The following FBXW10 variants were observed in gnomAD, a reference collection of about 807,000 sequenced individuals.
FBXW10 encodes the protein F-box and WD repeat domain containing 10.
FBXW10 carries 68 observed loss-of-function variants against 113.1 expected under a neutral mutation model. That is an observed-to-expected ratio of 0.60 (90% CI 0.49 to 0.74). The LOEUF is 0.74. FBXW10 is among the 30% of genes least tolerant of loss of function. FBXW10 has a pLI of 0.00. For missense variants in FBXW10, 753 were observed against 1,284.5 expected (o/e 0.59, Z 6.32); for synonymous variants, 289 against 481.6 (o/e 0.60, Z 5.24).
rs2035262467 is a variant in FBXW10, at chr17:18,756,246, A to G, written c.1232+92A>G. Reference sequence around the variant, plus strand: ...TTCCCTGACCTTTGTGTACATGGAAAGGCAAGCTCTCCTCACCTCAAGCTC... The same window carrying G: ...TTCCCTGACCTTTGTGTACATGGAAGGGCAAGCTCTCCTCACCTCAAGCTC... On this transcript the variant is annotated intron_variant, in intron 6 of 13. Transcript: ENST00000395665. The G allele has an allele frequency of 3.3e-5, 39 of 1,181,466 alleles. No homozygotes were observed. In the South Asian group the frequency reaches 5.2e-4, roughly 16 times the overall value. The allele number at this position is 1,181,466 out of a possible 1,614,324, so 73.2% of individuals were successfully genotyped here.
intron 13 of FBXW10, among the ~76,000 whole-genome samples, chr17:18,777,225 CTAA>C (rs917469024): frequency 1.3e-5 from 2 of 151,874 alleles, no homozygotes; most frequent in Non-Finnish European, 2.9e-5. Flanking sequence ...CCACGCCCGG[CTAA>C]TTTTTTTGTA....
chr17:18,745,168 A>G (rs1567613385), intron 1 of FBXW10: 1 of 1,018,308 alleles, frequency 9.8e-7, no homozygotes, highest in Non-Finnish European at 1.2e-6. Flanking sequence ...AAACCAGACC[A>G]AGAAGTCAAA....
intron 7 of FBXW10, among the ~76,000 whole-genome samples, chr17:18,761,688 T>G (rs1004851776): frequency 1.1e-4 from 16 of 152,368 alleles, no homozygotes; most frequent in South Asian, 4.1e-4. Flanking sequence ...TAGATTAGTT[T>G]GGTAAACACA....
At chr17:18,757,994 A>G (rs1165594397) in intron 6 of FBXW10, among the ~76,000 whole-genome samples, 2 of 152,256 alleles carry the variant, frequency 1.3e-5, no homozygotes, top group Admixed American at 6.5e-5. Flanking sequence ...TCCGTGATCA[A>G]TTAAATCCGG....
chr17:18,772,419 G>A lies in FBXW10; in HGVS notation c.2014G>A (p.Val672Ile). The A allele has an allele frequency of 6.2e-7, 1 of 1,613,148 alleles. No homozygotes were observed. Among genetic ancestry groups the A allele is most frequent in the South Asian group, 1.1e-5 (1 of 90,938 alleles). Reference protein sequence around the residue: ...SFFIQGNRMVVNTESNVLMFQ... With the variant: ...SFFIQGNRMVINTESNVLMFQ... ...CTGTTGTTTCGGTTCCAGGATGGTGGTCAACACAGAGAGCAATGTTCTCAT... is the reference window on the plus strand; with the variant it reads ...CTGTTGTTTCGGTTCCAGGATGGTGATCAACACAGAGAGCAATGTTCTCAT... The change falls in exon 12 of 14, where the codon GTC becomes ATC. Residue 672 changes from valine (V) to isoleucine (I), a missense_variant. By Grantham distance (29) the Val-to-Ile change is conservative. Transcript: ENST00000395665.
chr17:18,751,003 G>A lies in FBXW10; in HGVS notation c.1072G>A (p.Asp358Asn), dbSNP rs2035157035. 1 of 1,613,968 alleles carries A rather than the reference G, an allele frequency of 6.2e-7. No homozygotes were observed. Among genetic ancestry groups the A allele is most frequent in the Non-Finnish European group, 8.5e-7 (1 of 1,180,022 alleles). The change falls in exon 5 of 14, where the codon GAC becomes AAC. Residue 358 changes from aspartate to asparagine, a missense_variant. By Grantham distance (23) the Asp-to-Asn change is conservative. Transcript: ENST00000395665. The stretch of plus-strand genomic sequence containing the variant: ...TATCCCAGTTCCTAAAATGGTAGAT[G>A]ACGGGAAGAGCATGCGTGTGAAACA... ...VSIPVPKMVD[D>N]GKSMRVKHPK...
chr17:18,744,526 C>A lies in FBXW10; in HGVS notation c.282C>A (p.Leu94=), dbSNP rs1185103647. The change falls in exon 1 of 14, where the codon CTC becomes CTA. Residue 94 remains leucine (L), a synonymous_variant. Transcript: ENST00000395665. ...DFIYNRSRIN[L]SKKEGKVVKS... ...TCTATAACAGGTCCCGGATCAACCT[C>A]AGCAAGAAAGAGGGGAAAGTTGTGA... 6.2e-7 allele frequency: 1 copy of A among 1,613,796 alleles called. No individual in the cohort carries two copies. The highest frequency in any genetic ancestry group is 8.5e-7 in the Non-Finnish European group (1 of 1,179,888).
At chr17:18,747,308 C>T (rs2035057283) in intron 1 of FBXW10, among the ~76,000 whole-genome samples, 1 of 152,182 alleles carries the variant, frequency 6.6e-6, no homozygotes, top group South Asian at 2.1e-4. Flanking sequence ...CGCTTGTAAT[C>T]CCAGCACATT....
At position 18,749,795 on chromosome 17, in the gene FBXW10, C is replaced by G. The variant is rs572287138; in HGVS notation, c.744C>G (p.Thr248=). 2.5e-6 allele frequency: 4 copies of G among 1,614,066 alleles called. No homozygotes were observed. The highest frequency in any genetic ancestry group is 1.7e-5 in the Admixed American group (1 of 59,992). ...TGTTTTCTGGAAAAGGAGACATAAC[C>G]AAGCCAGGGTACGATCCCTGCAATC... ...NRLFSGKGDI[T]KPGYDPCNLL... Residue 248 remains threonine (T), a synonymous_variant, in exon 3 of 14, where the codon ACC becomes ACG. Coordinates refer to ENST00000395665, the MANE Select transcript of FBXW10 (RefSeq NM_001267585.2).
At position 18,749,906 on chromosome 17, in the gene FBXW10, C is replaced by G. The variant is rs2035125789; in HGVS notation, c.855C>G (p.Leu285=). 6.2e-7 allele frequency: 1 copy of G among 1,613,826 alleles called. No homozygotes were observed. Among genetic ancestry groups the G allele is most frequent in the Admixed American group, 1.7e-5 (1 of 59,978 alleles). Residue 285 remains leucine (L), a synonymous_variant, in exon 3 of 14, where the codon CTC becomes CTG. Coordinates refer to ENST00000395665, the MANE Select transcript of FBXW10 (RefSeq NM_001267585.2). ...TCATCCGTTACCTGCCCATCCACCT[C>G]TCCAAGTACATTCTAAGTATGCTGG... ...RDFIRYLPIH[L]SKYILRMLDR...
chr17:18,771,890 T>G (rs2035620337), intron 11 of FBXW10, among the ~76,000 whole-genome samples: 1 of 152,062 alleles, frequency 6.6e-6, no homozygotes, highest in African/African-American at 2.4e-5. Flanking sequence ...GGGTGGATCA[T>G]TGAGTCCTGG....
At chr17:18,749,008 T>C (rs2035100586) in intron 2 of FBXW10, among the ~76,000 whole-genome samples, 1 of 152,208 alleles carries the variant, frequency 6.6e-6, no homozygotes, top group Non-Finnish European at 1.5e-5. Flanking sequence ...AAATTTCAAA[T>C]TTCAAAAGTA....
chr17:18,768,417 T>A (rs1329737457), intron 9 of FBXW10, 117 bp from the exon 10 acceptor site: 30 of 1,363,142 alleles, frequency 2.2e-5, no homozygotes, highest in Non-Finnish European at 2.7e-5. Context: ...ACCTACCGAG[T>A]GACTGGCAGT....
At chr17:18,755,409 G>A (rs2035241496) in intron 5 of FBXW10, among the ~76,000 whole-genome samples, 1 of 152,124 alleles carries the variant, frequency 6.6e-6, no homozygotes, top group South Asian at 2.1e-4. Flanking sequence ...ACAAAAATTA[G>A]CTGGGCATGG....
chr17:18,772,718 A>C, intron 12 of FBXW10, 35 bp downstream of exon 12: 1 of 1,580,824 alleles, frequency 6.3e-7, no homozygotes, highest in Non-Finnish European at 8.6e-7. Context: ...TTCAGTGATA[A>C]CCCACAGAGC....
rs1555539056 is a variant in FBXW10 at position 18,778,576 on chromosome 17, G to A, written c.2437G>A (p.Asp813Asn). 1.2e-6 allele frequency: 2 copies of A among 1,613,950 alleles called. No individual in the cohort carries two copies. Among genetic ancestry groups the A allele is most frequent in the South Asian group, 1.1e-5 (1 of 91,048 alleles). Residue 813 changes from aspartate (D) to asparagine (N), a missense_variant, in exon 14 of 14, where the codon GAC (aspartate) becomes AAC (asparagine). Transcript: ENST00000395665. Reference protein sequence around the residue: ...KKSWKIPMSPDQFLLTVSALQ... With the variant: ...KKSWKIPMSPNQFLLTVSALQ... ...GTCTTGGAAAATCCCTATGTCACCT[G>A]ACCAATTCCTCCTGACTGTTAGCGC...
At chr17:18,754,903 C>A (rs1477077172) in intron 5 of FBXW10, among the ~76,000 whole-genome samples, 1 of 152,180 alleles carries the variant, frequency 6.6e-6, no homozygotes, top group African/African-American at 2.4e-5. Context: ...TTTTGTGGGG[C>A]AAGGGATCTA....
intron 9 of FBXW10, among the ~76,000 whole-genome samples, chr17:18,768,051 C>CTTCCTTCCTTCCTTCCT (rs1257481213): frequency 1.1e-5 from 1 of 91,710 alleles, no homozygotes; most frequent in Non-Finnish European, 2.3e-5. Flanking sequence ...TCCTTCCTTC[C>CTTCCTTCCTTCCTTCCT]TTCTTTCTTT....
intron 12 of FBXW10, among the ~76,000 whole-genome samples, chr17:18,774,088 G>A (rs1484715656): frequency 2.7e-5 from 4 of 149,090 alleles, no homozygotes; most frequent in African/African-American, 1.0e-4. Flanking sequence ...AAGGGGAGTT[G>A]CTTAACATTC....
Sources: gnomAD v4.1 joint callset for allele counts (sites outside exome capture counted in the v4.1 genomes callset) on GRCh38, gnomAD v4.1.1 for gene constraint, MANE v1.5 for transcripts, NCBI Gene and HGNC (gene_info 2026-07-23, HGNC 2026-07-21) for gene names.